The following ANXA7 variants were observed in gnomAD, a reference collection of about 807,000 sequenced individuals.
ANXA7 encodes the protein annexin A7.
ANXA7 carries 55 observed loss-of-function variants against 64.9 expected under a neutral mutation model. That is an observed-to-expected ratio of 0.85 (90% CI 0.68 to 1.06). ANXA7 has a LOEUF of 1.06. ANXA7 is among the 50% of genes least tolerant of loss of function. ANXA7 has a pLI of 0.00. For synonymous variants in ANXA7, 200 were observed against 192.4 expected (o/e 1.04, Z -0.33); for missense variants, 548 against 582.1 (o/e 0.94, Z 0.60).
chr10:73,409,254 T>C (rs1359313761), intron 1 of ANXA7, among the ~76,000 whole-genome samples: 1 of 152,172 alleles, frequency 6.6e-6, no homozygotes, highest in African/African-American at 2.4e-5. Context: ...TATGACTATA[T>C]ACCAAGGAAA....
intron 11 of ANXA7, 58 bp from the exon 12 acceptor site, chr10:73,379,081 C>A: frequency 8.3e-7 from 1 of 1,200,604 alleles, no homozygotes; most frequent in Non-Finnish European, 1.2e-6. Flanking sequence ...GTGTACCCCT[C>A]CAGCTTCATT....
intron 2 of ANXA7, among the ~76,000 whole-genome samples, chr10:73,399,019 C>A (rs2132686247): frequency 6.6e-6 from 1 of 152,256 alleles, no homozygotes; most frequent in Non-Finnish European, 1.5e-5. Flanking sequence ...TGAACATAGA[C>A]AAAAGTGAGA....
chr10:73,388,010 C>A (rs1209461995), intron 6 of ANXA7, among the ~76,000 whole-genome samples: 1 of 152,028 alleles, frequency 6.6e-6, no homozygotes, highest in Non-Finnish European at 1.5e-5. Flanking sequence ...CATCACCATG[C>A]CCAACTATTT....
chr10:73,383,376 G>GA, intron 8 of ANXA7, 31 bp from the exon 9 acceptor site: 1 of 1,564,668 alleles, frequency 6.4e-7, no homozygotes, highest in East Asian at 2.3e-5. Flanking sequence ...ATTATACAAA[G>GA]AAAAATGAAA....
intron 5 of ANXA7, chr10:73,396,070 G>A: frequency 6.3e-7 from 1 of 1,596,220 alleles, no homozygotes; most frequent in Non-Finnish European, 8.6e-7. Context: ...AAAGAAACAG[G>A]AGAGAAAACA....
intron 1 of ANXA7, among the ~76,000 whole-genome samples, chr10:73,406,759 C>T (rs1227304105): frequency 2.0e-5 from 3 of 151,886 alleles, no homozygotes; most frequent in East Asian, 3.9e-4. Context: ...TTAGTAAAGA[C>T]GGGGTTTCGC....
intron 1 of ANXA7, among the ~76,000 whole-genome samples, chr10:73,407,304 T>C (rs1443858282): frequency 6.6e-6 from 1 of 152,174 alleles, no homozygotes; most frequent in Admixed American, 6.5e-5. Context: ...CACAAACTCC[T>C]GACCCCAAGT....
At chr10:73,391,304 C>T (rs1360229118) in intron 5 of ANXA7, among the ~76,000 whole-genome samples, 1 of 152,020 alleles carries the variant, frequency 6.6e-6, no homozygotes, top group African/African-American at 2.4e-5. Flanking sequence ...TTGATTCCAA[C>T]CTTCTTGCTG....
At chr10:73,395,794 A>AG in intron 5 of ANXA7, 1 of 536,830 alleles carries the variant, frequency 1.9e-6, no homozygotes, top group East Asian at 3.8e-5. Flanking sequence ...CTCAAAAAAA[A>AG]AAAAAAAGAA....
intron 3 of ANXA7, among the ~76,000 whole-genome samples, 179 bp downstream of exon 3, chr10:73,398,002 C>G (rs1218803329): frequency 6.6e-6 from 1 of 152,172 alleles, no homozygotes; most frequent in African/African-American, 2.4e-5. Flanking sequence ...CTGCTCCCAG[C>G]TTTCATGTCC....
chr10:73,391,878 G>C (rs748860030), intron 5 of ANXA7, among the ~76,000 whole-genome samples: 2 of 152,096 alleles, frequency 1.3e-5, no homozygotes, highest in Non-Finnish European at 2.9e-5. Context: ...CTAACACTCT[G>C]CATTCTGTTA....
At position 73,400,799 on chromosome 10, in the gene ANXA7, T is replaced by C. The variant is rs745904123; in HGVS notation, c.54+4A>G. The C allele has an allele frequency of 1.1e-5, 18 of 1,604,028 alleles. No homozygotes were observed. The highest frequency in any genetic ancestry group is 1.4e-5 in the Non-Finnish European group (17 of 1,174,274). The stretch of plus-strand genomic sequence containing the variant: ...GATGTGAGGTATTAAGTGGCAATAC[T>C]TACAGGATATCCAGGGAAAGGTGGG... On this transcript the variant is annotated splice_donor_region_variant and intron_variant, in intron 2 of 12. Transcript: ENST00000372921.
Position 73,407,176 on chromosome 10 carries a change from A to G in ANXA7, c.-1-6319T>C, listed in dbSNP as rs528398626. ...ACTGCAGCCTCCACCTCCTGGGTTC[A>G]AGCGATTCTCCTCCTTTAGCATTCC... On this transcript the variant is annotated intron_variant, in intron 1 of 12. Transcript: ENST00000372921. Among the ~76,000 whole-genome samples the G allele has an allele frequency of 3.9e-5, 6 of 152,318 alleles. No homozygotes were observed. The East Asian group carries it at 1.2e-3, about 29-fold the overall frequency.
At chr10:73,376,743 A>C (rs906134519) in intron 12 of ANXA7, among the ~76,000 whole-genome samples, 8 of 152,218 alleles carry the variant, frequency 5.3e-5, no homozygotes, top group Non-Finnish European at 1.2e-4. Flanking sequence ...AGCATTATTC[A>C]GGCAGAAACA....
chr10:73,412,471 A>G (rs1209388725), intron 1 of ANXA7, among the ~76,000 whole-genome samples: 2 of 151,934 alleles, frequency 1.3e-5, no homozygotes, highest in Non-Finnish European at 2.9e-5. Context: ...ACTTTGCCCA[A>G]GTGAATAGTA....
rs2055150406 is a variant in ANXA7 at position 73,375,146 on chromosome 10, A to T, written c.*949T>A. On this transcript the variant is annotated 3_prime_UTR_variant, in exon 13 of 13. Transcript: ENST00000372921. ...TGGAATCTAAAATAGCTGAACTTAAACACAGTGGTGGTTGTCCAGGTGAGA... is the reference window on the plus strand; with the variant it reads ...TGGAATCTAAAATAGCTGAACTTAATCACAGTGGTGGTTGTCCAGGTGAGA... 1 of 152,242 alleles carries T rather than the reference A, an allele frequency of 6.6e-6. No individual in the cohort carries two copies. The highest frequency in any genetic ancestry group is 2.4e-5 in the African/African-American group (1 of 41,472). 9.4% of individuals were successfully genotyped at this position (152,242 alleles called of 1,614,324 possible).
intron 5 of ANXA7, among the ~76,000 whole-genome samples, chr10:73,390,745 CAT>C (rs202122707): frequency 7.0e-5 from 10 of 142,760 alleles, no homozygotes; most frequent in Admixed American, 2.1e-4. Context: ...CACACACACA[CAT>C]ATATATATAT....
Position 73,397,229 on chromosome 10 carries a change from A to G in ANXA7, c.305T>C (p.Phe102Ser), listed in dbSNP as rs1321498298. The part of the protein sequence containing the change: ...GFGVPPGGAG[F>S]SGYPQPPSQS... The stretch of plus-strand genomic sequence containing the variant: ...TGAAGGTGGCTGTGGATACCCAGAA[A>G]AGCCTGCTCCACCTGGTGGGACTCC... The change falls in exon 4 of 13, where the codon TTT (phenylalanine) becomes TCT (serine). Residue 102 changes from phenylalanine (F) to serine (S), a missense_variant. Transcript: ENST00000372921. 1.9e-6 allele frequency: 3 copies of G among 1,612,744 alleles called. No individual in the cohort carries two copies. In the East Asian group the frequency reaches 6.7e-5, roughly 36 times the overall value.
intron 12 of ANXA7, among the ~76,000 whole-genome samples, chr10:73,377,827 G>A (rs918763073): frequency 6.1e-5 from 5 of 81,932 alleles, no homozygotes; most frequent in Non-Finnish European, 9.1e-5. Context: ...AGGTTTCACC[G>A]TGTGTGTGTG....
Sources: allele counts gnomAD v4.1 joint callset (sites outside exome capture counted in the v4.1 genomes callset), GRCh38; gene constraint gnomAD v4.1.1; transcripts MANE v1.5; gene names NCBI Gene and HGNC (gene_info 2026-07-23, HGNC 2026-07-21).